Variants in NALF1 observed in about 807,000 individuals in gnomAD.
NALF1 encodes family with sequence similarity 155 member A.
Under a neutral mutation model 48.4 loss-of-function variants are expected in NALF1, and 3 were observed. The observed-to-expected ratio is 0.06, with a 90% CI of 0.03 to 0.16. The LOEUF (loss-of-function observed/expected upper bound fraction) is 0.16. Among genes scored for constraint, NALF1 ranks in the 10% least tolerant of loss-of-function variants. The probability of loss-of-function intolerance (pLI) is 1.00; values close to 1 mark genes in which losing one functional copy is unlikely to be tolerated. For missense variants in NALF1, 526 were observed against 571.5 expected (o/e 0.92, Z 0.81); for synonymous variants, 262 against 245.7 (o/e 1.07, Z -0.62).
intron 1 of NALF1, among the ~76,000 whole-genome samples, chr13:107,582,617 T>C (rs1878345426): frequency 6.6e-6 from 1 of 152,162 alleles, no homozygotes; most frequent in Non-Finnish European, 1.5e-5. Flanking sequence ...CTTCAACCTA[T>C]GGTTACAAAT....
intron 1 of NALF1, among the ~76,000 whole-genome samples, chr13:107,287,063 G>A (rs9520363): frequency 1.1e-4 from 17 of 152,270 alleles, no homozygotes; most frequent in African/African-American, 4.1e-4. Flanking sequence ...GAGTTTCACC[G>A]AAATAAATTA....
intron 1 of NALF1, among the ~76,000 whole-genome samples, chr13:107,543,752 T>C (rs939215423): frequency 4.6e-5 from 7 of 152,066 alleles, no homozygotes; most frequent in African/African-American, 1.4e-4. Context: ...CATTTATACA[T>C]GTATATATAC....
chr13:107,834,872 C>T (rs117132530), intron 1 of NALF1, among the ~76,000 whole-genome samples: 4 of 152,174 alleles, frequency 2.6e-5, no homozygotes, highest in African/African-American at 4.8e-5. Context: ...CCTAAGGAAA[C>T]GAGGCAAGAA....
At chr13:107,596,622 G>A (rs1002538153) in intron 1 of NALF1, among the ~76,000 whole-genome samples, 9 of 152,014 alleles carry the variant, frequency 5.9e-5, no homozygotes, top group Non-Finnish European at 7.4e-5. Context: ...GTTGAACAAC[G>A]AGAACACATG....
intron 1 of NALF1, among the ~76,000 whole-genome samples, chr13:107,478,281 T>C (rs896323269): frequency 2.0e-5 from 3 of 152,186 alleles, no homozygotes; most frequent in Non-Finnish European, 4.4e-5. Context: ...CTCAAAATAC[T>C]TGTTGAAATG....
intron 2 of NALF1, among the ~76,000 whole-genome samples, chr13:107,176,045 C>T (rs1878920493): frequency 6.6e-6 from 1 of 152,116 alleles, no homozygotes; most frequent in Non-Finnish European, 1.5e-5. Flanking sequence ...CCTGCTGGGA[C>T]AAATTTCCTA....
chr13:107,678,560 G>A (rs745656777), intron 1 of NALF1, among the ~76,000 whole-genome samples: 6 of 152,204 alleles, frequency 3.9e-5, no homozygotes, highest in Non-Finnish European at 5.9e-5. Flanking sequence ...TTCGTCTGCG[G>A]TTTTGTATTA....
At chr13:107,524,222 T>G (rs185612183) in intron 1 of NALF1, among the ~76,000 whole-genome samples, 103 of 152,228 alleles carry the variant, frequency 6.8e-4, no homozygotes, top group Non-Finnish European at 1.2e-3. Context: ...ATTCCAACAT[T>G]CAGAAGTAAT....
intron 1 of NALF1, among the ~76,000 whole-genome samples, chr13:107,221,933 G>A (rs1350802974): frequency 6.6e-6 from 1 of 152,166 alleles, no homozygotes; most frequent in Admixed American, 6.5e-5. Flanking sequence ...ATTCAAACAT[G>A]TTCTATGCTG....
intron 1 of NALF1, among the ~76,000 whole-genome samples, chr13:107,468,548 T>A (rs1047195843): frequency 1.3e-5 from 2 of 152,174 alleles, no homozygotes; most frequent in African/African-American, 2.4e-5. Context: ...GTAAAAAGTA[T>A]GAAACTACAA....
At chr13:107,803,124 G>A (rs958431579) in intron 1 of NALF1, among the ~76,000 whole-genome samples, 7 of 152,074 alleles carry the variant, frequency 4.6e-5, no homozygotes, top group Non-Finnish European at 1.5e-5. Flanking sequence ...GTGCTACTAG[G>A]GAATGACCAT....
intron 1 of NALF1, among the ~76,000 whole-genome samples, chr13:107,467,321 C>CTTTCATTACGAAGAGACTAAGGTTA (rs1885020685): frequency 6.6e-6 from 1 of 151,328 alleles, no homozygotes; most frequent in Non-Finnish European, 1.5e-5. Flanking sequence ...TAGATATATA[C>CTTTCATTACGAAGAGACTAAGGTTA]TTTCATTACT....
intron 1 of NALF1, among the ~76,000 whole-genome samples, chr13:107,236,146 A>G (rs1880337450): frequency 6.6e-6 from 1 of 152,106 alleles, no homozygotes; most frequent in Non-Finnish European, 1.5e-5. Context: ...GCGTAGGCAG[A>G]CTGCGGTCCC....
intron 1 of NALF1, among the ~76,000 whole-genome samples, chr13:107,742,101 G>A (rs1876655101): frequency 6.6e-6 from 1 of 152,178 alleles, no homozygotes; most frequent in Non-Finnish European, 1.5e-5. Flanking sequence ...GAAGTGGATG[G>A]GAAGTCAGTC....
intron 1 of NALF1, among the ~76,000 whole-genome samples, chr13:107,288,357 T>C (rs553568046): frequency 2.6e-3 from 390 of 150,984 alleles, no homozygotes; most frequent in South Asian, 8.8e-3. Context: ...GTAGCTGGGA[T>C]TACAGGCACC....
At chr13:107,279,655 AATCCCTCT>A (rs1358990364) in intron 1 of NALF1, among the ~76,000 whole-genome samples, 4 of 152,132 alleles carry the variant, frequency 2.6e-5, no homozygotes, top group Admixed American at 2.0e-4. Context: ...CTCTGTCTTC[AATCCCTCT>A]ATCTCTAGGC....
chr13:107,831,938 T>C (rs901232488), intron 1 of NALF1, among the ~76,000 whole-genome samples: 41 of 152,208 alleles, frequency 2.7e-4, no homozygotes, highest in African/African-American at 9.4e-4. Flanking sequence ...AAGATGGGAA[T>C]TCAAAAATCG....
chr13:107,344,119 G>C (rs1463019625), intron 1 of NALF1, among the ~76,000 whole-genome samples: 1 of 151,992 alleles, frequency 6.6e-6, no homozygotes, highest in Non-Finnish European at 1.5e-5. Context: ...GAAATATAAA[G>C]TCTACCAAGA....
At chr13:107,591,979 T>G (rs548089868) in intron 1 of NALF1, among the ~76,000 whole-genome samples, 157 of 152,028 alleles carry the variant, frequency 1.0e-3, no homozygotes, top group Admixed American at 1.6e-3. Flanking sequence ...AAAATTTTAC[T>G]CAGATGACAC....
Sources: gnomAD v4.1 joint callset for allele counts (sites outside exome capture counted in the v4.1 genomes callset) on GRCh38, gnomAD v4.1.1 for gene constraint, MANE v1.5 for transcripts, NCBI Gene and HGNC (gene_info 2026-07-23, HGNC 2026-07-21) for gene names.